ZNF385D: variants seen among roughly 807,000 people sequenced by gnomAD.
ZNF385D encodes the protein zinc finger protein 385D, also known as zinc finger protein 659.
A neutral mutation model predicts 35.8 loss-of-function variants in ZNF385D; 15 were observed. The ratio of observed to expected loss-of-function variants is 0.42; its 90% CI spans 0.28 to 0.64. The LOEUF (loss-of-function observed/expected upper bound fraction) is 0.64. ZNF385D is among the 30% of genes least tolerant of loss of function. The pLI is 0.23. For missense variants in ZNF385D, 474 were observed against 494.6 expected, an observed-to-expected ratio of 0.96 and a Z score of 0.39; for synonymous variants, 212 against 186.8, an observed-to-expected ratio of 1.13 and a Z score of -1.10.
intron 3 of ZNF385D, among the ~76,000 whole-genome samples, chr3:22,033,491 T>C (rs1476214799): frequency 6.6e-6 from 1 of 151,326 alleles, no homozygotes; most frequent in Non-Finnish European, 1.5e-5. Flanking sequence ...AGGGAAATCT[T>C]TTTGAAGGAA....
At chr3:22,062,481 C>T (rs191604679) in intron 3 of ZNF385D, among the ~76,000 whole-genome samples, 4 of 152,318 alleles carry the variant, frequency 2.6e-5, no homozygotes, top group African/African-American at 9.6e-5. Context: ...AAAGGACTTG[C>T]TTCTTGCAGC....
At chr3:21,980,424 G>A (rs191279388) in intron 3 of ZNF385D, among the ~76,000 whole-genome samples, 411 of 152,190 alleles carry the variant, frequency 2.7e-3, no homozygotes, top group Non-Finnish European at 5.0e-3. Context: ...ATAATGCAAC[G>A]TAATAATGTA....
intron 3 of ZNF385D, among the ~76,000 whole-genome samples, chr3:22,150,737 T>C (rs928171976): frequency 6.6e-6 from 1 of 152,100 alleles, no homozygotes; most frequent in Non-Finnish European, 1.5e-5. Flanking sequence ...AAGAGAAGCA[T>C]CCAGACTAAA....
intron 2 of ZNF385D, among the ~76,000 whole-genome samples, chr3:22,285,692 C>A (rs1701990181): frequency 6.6e-6 from 1 of 152,012 alleles, no homozygotes; most frequent in Non-Finnish European, 1.5e-5. Flanking sequence ...CTCTCCCCAC[C>A]CCACAGCAGT....
intron 3 of ZNF385D, among the ~76,000 whole-genome samples, chr3:22,136,906 G>C (rs1408727781): frequency 2.0e-5 from 3 of 152,134 alleles, no homozygotes; most frequent in African/African-American, 4.8e-5. Flanking sequence ...TCGGTAAAAA[G>C]ATGAAGGATT....
intron 5 of ZNF385D, among the ~76,000 whole-genome samples, chr3:21,429,811 C>T (rs1008302200): frequency 1.3e-5 from 2 of 152,060 alleles, no homozygotes; most frequent in Admixed American, 1.3e-4. Flanking sequence ...TTAACAAACT[C>T]ATACAATTGC....
chr3:22,270,697 T>A (rs951987457), intron 2 of ZNF385D, among the ~76,000 whole-genome samples: 1 of 151,996 alleles, frequency 6.6e-6, no homozygotes, highest in African/African-American at 2.4e-5. Context: ...ATAACCTAGA[T>A]GATTTGTGCT....
intron 2 of ZNF385D, among the ~76,000 whole-genome samples, chr3:22,327,277 C>CA (rs914568843): frequency 2.0e-5 from 3 of 151,824 alleles, no homozygotes; most frequent in African/African-American, 7.3e-5. Flanking sequence ...ACTTTACCTC[C>CA]AAAAAGAGTA....
intron 3 of ZNF385D, among the ~76,000 whole-genome samples, chr3:22,126,688 A>T (rs969769459): frequency 6.1e-4 from 93 of 152,152 alleles, no homozygotes; most frequent in African/African-American, 2.1e-3. Flanking sequence ...GTAGATATAT[A>T]TTAGGTCCAT....
intron 5 of ZNF385D, among the ~76,000 whole-genome samples, chr3:21,432,081 A>T (rs1188670569): frequency 2.0e-5 from 3 of 152,190 alleles, no homozygotes; most frequent in Admixed American, 2.0e-4. Flanking sequence ...TTATGAGCTC[A>T]GGCTCTAGAA....
At chr3:21,806,414 C>T (rs1012079271) in intron 3 of ZNF385D, among the ~76,000 whole-genome samples, 1 of 151,932 alleles carries the variant, frequency 6.6e-6, no homozygotes, top group Non-Finnish European at 1.5e-5. Flanking sequence ...ACCGTGTGAG[C>T]CAGGATGGTC....
chr3:22,011,490 A>T (rs1044133830), intron 3 of ZNF385D, among the ~76,000 whole-genome samples: 1 of 152,080 alleles, frequency 6.6e-6, no homozygotes, highest in Non-Finnish European at 1.5e-5. Flanking sequence ...TCTTACTATC[A>T]TGATATTTAA....
intron 3 of ZNF385D, among the ~76,000 whole-genome samples, chr3:21,788,818 A>G (rs902066080): frequency 5.3e-5 from 8 of 152,198 alleles, no homozygotes; most frequent in Admixed American, 2.0e-4. Context: ...GGGATCCAAC[A>G]ACTGTAGAAG....
chr3:21,528,495 C>T (rs2061838002), intron 3 of ZNF385D, among the ~76,000 whole-genome samples: 1 of 151,606 alleles, frequency 6.6e-6, no homozygotes, highest in Non-Finnish European at 1.5e-5. Context: ...TCCTTTCTGC[C>T]TGCTTGATGC....
At chr3:22,194,379 G>A (rs772385641) in intron 2 of ZNF385D, among the ~76,000 whole-genome samples, 1 of 151,688 alleles carries the variant, frequency 6.6e-6, no homozygotes, top group African/African-American at 2.4e-5. Context: ...CAATCTGACA[G>A]GTATTTTTGG....
At chr3:21,656,659 A>G (rs1272562812) in intron 2 of ZNF385D, among the ~76,000 whole-genome samples, 1 of 151,922 alleles carries the variant, frequency 6.6e-6, no homozygotes, top group Non-Finnish European at 1.5e-5. Context: ...AATTCAACCC[A>G]TAATACTATT....
chr3:22,275,591 T>A (rs1477141083), intron 2 of ZNF385D, among the ~76,000 whole-genome samples: 1 of 152,160 alleles, frequency 6.6e-6, no homozygotes, highest in Non-Finnish European at 1.5e-5. Context: ...TAGGTTAATA[T>A]TCTTATCTAA....
chr3:22,022,143 T>C (rs1697258300), intron 3 of ZNF385D, among the ~76,000 whole-genome samples: 1 of 152,092 alleles, frequency 6.6e-6, no homozygotes, highest in South Asian at 2.1e-4. Flanking sequence ...TTCTTAACCA[T>C]AAATACATCA....
At chr3:21,683,501 C>T (rs2066982200) in intron 1 of ZNF385D, among the ~76,000 whole-genome samples, 1 of 149,192 alleles carries the variant, frequency 6.7e-6, no homozygotes, top group African/African-American at 2.5e-5. Flanking sequence ...ATCTGTAGTC[C>T]CAGCTACTCG....
Sources: gnomAD v4.1 joint callset for allele counts (sites outside exome capture counted in the v4.1 genomes callset) on GRCh38, gnomAD v4.1.1 for gene constraint, MANE v1.5 for transcripts, NCBI Gene and HGNC (gene_info 2026-07-23, HGNC 2026-07-21) for gene names.